Variants in CRADD observed in about 807,000 individuals in gnomAD.
CRADD encodes CARD and death domain containing adaptor protein.
Under a neutral mutation model 15.5 loss-of-function variants are expected in CRADD, and 9 were observed. The ratio of observed to expected loss-of-function variants is 0.58; its 90% CI spans 0.35 to 1.01. The LOEUF is 1.01. CRADD is among the 50% of genes least tolerant of loss of function. CRADD has a pLI of 0.02. For synonymous variants in CRADD, 118 were observed against 107.6 expected (o/e 1.10, Z -0.60); for missense variants, 227 against 250.3 (o/e 0.91, Z 0.63).
chr12:93,894,171 C>T (rs563144105), exon 3 of CRADD: 485 of 701,500 alleles, frequency 6.9e-4, no homozygotes, highest in Non-Finnish European at 1.1e-3. Flanking sequence ...CTTTCCTCTA[C>T]ACCAGTGGTT....
At chr12:93,690,529 ATGTAAAGAG>A (rs1955539883) in intron 2 of CRADD, among the ~76,000 whole-genome samples, 1 of 152,230 alleles carries the variant, frequency 6.6e-6, no homozygotes. Flanking sequence ...GAGAATGTAG[ATGTAAAGAG>A]GAGGTTTAGA....
intron 2 of CRADD, among the ~76,000 whole-genome samples, chr12:93,804,085 A>G (rs914215270): frequency 6.6e-6 from 1 of 152,106 alleles, no homozygotes; most frequent in Non-Finnish European, 1.5e-5. Context: ...GTTTGAAGTC[A>G]TTAACATTTG....
At chr12:93,784,426 G>T (rs1957250684) in intron 2 of CRADD, among the ~76,000 whole-genome samples, 1 of 152,028 alleles carries the variant, frequency 6.6e-6, no homozygotes, top group Non-Finnish European at 1.5e-5. Flanking sequence ...AGGTTGCACG[G>T]TTAATAAATG....
rs115929122 is a variant in CRADD at position 93,681,960 on chromosome 12, T to G, written c.298+2888T>G. 7.8e-3 allele frequency among the ~76,000 whole-genome samples: 1,195 copies of G among 152,286 alleles called. 18 individuals are homozygous for G. The highest frequency in any genetic ancestry group is 0.027 in the African/African-American group (1,131 of 41,568). On this transcript the variant is annotated intron_variant, in intron 2 of 2. Transcript: ENST00000332896. ...AAAGGGTGGAAGTAATGGAAGAAAT[T>G]ATGCATTTAAACTTGATAGTTAACA...
At chr12:93,690,042 G>T (rs775851676) in intron 2 of CRADD, among the ~76,000 whole-genome samples, 2 of 152,206 alleles carry the variant, frequency 1.3e-5, no homozygotes, top group African/African-American at 2.4e-5. Context: ...ATATTGGGTA[G>T]TTCACAACTT....
At chr12:93,729,526 C>A (rs1218434289) in intron 2 of CRADD, among the ~76,000 whole-genome samples, 1 of 152,078 alleles carries the variant, frequency 6.6e-6, no homozygotes, top group African/African-American at 2.4e-5. Flanking sequence ...GTGGCTCATG[C>A]CTGTAATTGC....
rs971634671 is a variant in CRADD at position 93,764,465 on chromosome 12, G to C, written c.298+85393G>C. 5.3e-5 allele frequency among the ~76,000 whole-genome samples: 8 copies of C among 152,112 alleles called. No homozygotes were observed. The East Asian group carries it at 1.3e-3, about 26-fold the overall frequency. On this transcript the variant is annotated intron_variant, in intron 2 of 2. Transcript: ENST00000332896. ...GCTGGTTGGTTGGTGGCGCTTTTTGGTTGACAAAGGGTATACAGAGGATGA... is the reference window on the plus strand; with the variant it reads ...GCTGGTTGGTTGGTGGCGCTTTTTGCTTGACAAAGGGTATACAGAGGATGA...
intron 2 of CRADD, among the ~76,000 whole-genome samples, chr12:93,777,958 C>T (rs1170643361): frequency 5.9e-5 from 9 of 152,160 alleles, no homozygotes. Flanking sequence ...AGGTTTTCAG[C>T]TTCAGAAAGG....
At chr12:93,706,842 G>A (rs1955961824) in intron 2 of CRADD, among the ~76,000 whole-genome samples, 2 of 152,146 alleles carry the variant, frequency 1.3e-5, no homozygotes, top group African/African-American at 4.8e-5. Flanking sequence ...CTTTATGATA[G>A]AATTGTGCAT....
At chr12:93,774,657 C>A (rs1373549708) in intron 2 of CRADD, among the ~76,000 whole-genome samples, 1 of 152,098 alleles carries the variant, frequency 6.6e-6, no homozygotes, top group Non-Finnish European at 1.5e-5. Context: ...TAGATATACC[C>A]TCAGGGCTGG....
At chr12:93,747,061 T>G (rs572148733) in intron 2 of CRADD, among the ~76,000 whole-genome samples, 2 of 152,356 alleles carry the variant, frequency 1.3e-5, no homozygotes, top group Admixed American at 1.3e-4. Flanking sequence ...TTTTCACCAC[T>G]TTTGGGGTTT....
chr12:93,813,253 C>A (rs1352807539), intron 2 of CRADD, among the ~76,000 whole-genome samples: 1 of 152,150 alleles, frequency 6.6e-6, no homozygotes, highest in Non-Finnish European at 1.5e-5. Context: ...CCCAAAACAT[C>A]CAAATTCAAA....
chr12:93,705,659 CT>C (rs1437767636), intron 2 of CRADD, among the ~76,000 whole-genome samples: 4 of 152,164 alleles, frequency 2.6e-5, no homozygotes, highest in African/African-American at 9.7e-5. Flanking sequence ...CCTTCCTCTT[CT>C]TTGGAATTTA....
intron 2 of CRADD, among the ~76,000 whole-genome samples, chr12:93,732,791 G>T (rs1956489074): frequency 6.6e-6 from 1 of 152,150 alleles, no homozygotes. Flanking sequence ...AGGATTAAAT[G>T]ACATAATTTT....
At chr12:93,736,202 C>G (rs568675707) in intron 2 of CRADD, among the ~76,000 whole-genome samples, 1 of 152,086 alleles carries the variant, frequency 6.6e-6, no homozygotes, top group Non-Finnish European at 1.5e-5. Context: ...AAGAGAGAGC[C>G]TCAAAGCAGA....
chr12:93,687,998 C>T (rs548355734), intron 2 of CRADD, among the ~76,000 whole-genome samples: 1 of 152,260 alleles, frequency 6.6e-6, no homozygotes, highest in Non-Finnish European at 1.5e-5. Flanking sequence ...CATGCAGTAC[C>T]TTGTGCTCTG....
chr12:93,837,283 T>TGTTTG (rs1565932905), intron 2 of CRADD: 3 of 152,832 alleles, frequency 2.0e-5, no homozygotes, highest in African/African-American at 7.3e-5. Context: ...TTTTGTTTTT[T>TGTTTG]TTTTTAGAGG....
intron 2 of CRADD, chr12:93,859,512 T>A (rs909160763): frequency 1.9e-5 from 7 of 372,134 alleles, no homozygotes; most frequent in Non-Finnish European, 3.2e-5. Context: ...CAATTAAGGA[T>A]ATGATTTTAT....
At chr12:93,817,706 G>A (rs192133515) in intron 2 of CRADD, among the ~76,000 whole-genome samples, 24 of 152,076 alleles carry the variant, frequency 1.6e-4, no homozygotes, top group East Asian at 3.9e-4. Flanking sequence ...ATCCACTCTC[G>A]GTGGCCCTTA....
Sources: gnomAD v4.1 joint callset for allele counts (sites outside exome capture counted in the v4.1 genomes callset) on GRCh38, gnomAD v4.1.1 for gene constraint, MANE v1.5 for transcripts, NCBI Gene and HGNC (gene_info 2026-07-23, HGNC 2026-07-21) for gene names.